SLC40A1: variants seen among roughly 807,000 people sequenced by gnomAD.
SLC40A1 encodes the protein ferroportin.
A neutral mutation model predicts 53.5 loss-of-function variants in SLC40A1; 16 were observed. That is an observed-to-expected ratio of 0.30 (90% confidence interval 0.20 to 0.45). SLC40A1 has a LOEUF of 0.45. Among genes scored for constraint, SLC40A1 ranks in the 20% least tolerant of loss-of-function variants. The probability of loss-of-function intolerance (pLI) is 1.00; values close to 1 mark genes in which losing one functional copy is unlikely to be tolerated. For missense variants in SLC40A1, 545 were observed against 695.4 expected (o/e 0.78, Z 2.43); for synonymous variants, 247 against 253.2 (o/e 0.98, Z 0.23).
At chr2:189,578,623 G>A (rs1312504943) in intron 2 of SLC40A1, among the ~76,000 whole-genome samples, 2 of 152,128 alleles carry the variant, frequency 1.3e-5, no homozygotes, top group Admixed American at 1.3e-4. Flanking sequence ...ATTAAACTGG[G>A]GGAACAAACT....
intron 7 of SLC40A1, among the ~76,000 whole-genome samples, chr2:189,562,765 C>A (rs1469048675): frequency 1.3e-5 from 2 of 152,030 alleles, no homozygotes; most frequent in Non-Finnish European, 2.9e-5. Context: ...TTAAATTTTG[C>A]TTTGTAAGAA....
chr2:189,564,373 C>G, intron 6 of SLC40A1, 148 bp from the exon 7 acceptor site: 1 of 638,170 alleles, frequency 1.6e-6, no homozygotes, highest in Non-Finnish European at 2.7e-6. Flanking sequence ...TACTAATAAT[C>G]TAAGAATTCC....
intron 3 of SLC40A1, among the ~76,000 whole-genome samples, 169 bp downstream of exon 3, chr2:189,574,992 C>T (rs1053917981): frequency 1.3e-5 from 2 of 152,202 alleles, no homozygotes; most frequent in African/African-American, 4.8e-5. Flanking sequence ...GTGTGGGAGC[C>T]ATGGGACCCT....
chr2:189,580,248 C>T (rs982935080), intron 1 of SLC40A1, among the ~76,000 whole-genome samples, 170 bp downstream of exon 1: 2 of 152,210 alleles, frequency 1.3e-5, no homozygotes, highest in African/African-American at 4.8e-5. Flanking sequence ...CCTTTTCCCA[C>T]ACCCTGAATT....
chr2:189,563,529 C>T lies in SLC40A1; in HGVS notation c.1402+55G>A, dbSNP rs185040528. On this transcript the variant is annotated intron_variant, in intron 7 of 7. Coordinates refer to ENST00000261024, the MANE Select transcript of SLC40A1 (RefSeq NM_014585.6). ...ATCATTTATTAATGGATTCTCTGAACCTACATTACAAAAAGACACTTTAGT... is the reference window on the plus strand; with the variant it reads ...ATCATTTATTAATGGATTCTCTGAATCTACATTACAAAAAGACACTTTAGT... 2.9e-3 allele frequency: 4,366 copies of T among 1,509,018 alleles called. 25 individuals carry two copies. The highest frequency in any genetic ancestry group is 6.9e-3 in the South Asian group (584 of 84,376). 93.5% of individuals were successfully genotyped at this position (1,509,018 alleles called of 1,614,324 possible). A position where few individuals can be genotyped will look rare whatever the true frequency, so the allele number is the denominator to read the frequency against.
chr2:189,563,759 T>C lies in SLC40A1; in HGVS notation c.1227A>G (p.Arg409=). 3 of 1,614,160 alleles carry C rather than the reference T, an allele frequency of 1.9e-6. No homozygotes were observed. Among genetic ancestry groups the C allele is most frequent in the Non-Finnish European group, 2.5e-6 (3 of 1,180,032 alleles). Residue 409 remains arginine (R), a synonymous_variant, in exon 7 of 8, where the codon CGA becomes CGG. Transcript: ENST00000261024. ...DLSVSPFEDI[R]SRFIQGESIT... The stretch of plus-strand genomic sequence containing the variant: ...TTGACTCTCCTTGAATGAACCTTGA[T>C]CGGATATCTTCAAAAGGAGAAACGG...
chr2:189,573,130 A>C (rs912010941), intron 3 of SLC40A1, among the ~76,000 whole-genome samples, 169 bp from the exon 4 acceptor site: 3 of 152,230 alleles, frequency 2.0e-5, no homozygotes, highest in Non-Finnish European at 4.4e-5. Context: ...CTCTCAATAC[A>C]ACCCAGAGGA....
In SLC40A1 at chr2:189,560,915, T is replaced by A. The variant is rs2030717373; in HGVS notation, c.*963A>T. 6.6e-6 allele frequency: 1 copy of A among 152,288 alleles called. No homozygotes were observed. Among genetic ancestry groups the A allele is most frequent in the Admixed American group, 6.5e-5 (1 of 15,290 alleles). The allele number at this position is 152,288 out of a possible 1,614,324, so 9.4% of individuals were successfully genotyped here. A position where few individuals can be genotyped will look rare whatever the true frequency, so the allele number is the denominator to read the frequency against. On this transcript the variant is annotated 3_prime_UTR_variant, in exon 8 of 8. Transcript: ENST00000261024. ...TGCTGTAGAACAATGTAGAAATAAC[T>A]TCTGGGTATAAAACAGTAAAAATAA...
In SLC40A1 at chr2:189,580,760, C is replaced by A. The variant is rs1316097212; in HGVS notation, c.-300G>T. 2 of 1,308,768 alleles carry A rather than the reference C, an allele frequency of 1.5e-6. No homozygotes were observed. Among genetic ancestry groups the A allele is most frequent in the African/African-American group, 1.6e-5 (1 of 64,088 alleles). The allele number at this position is 1,308,768 out of a possible 1,614,324, so 81.1% of individuals were successfully genotyped here. ...GTCCGAGCCTAGCGGACGCCCTGAGCCAGCTCTCTCCGCCGCCGCCGCCGC... is the reference window on the plus strand; with the variant it reads ...GTCCGAGCCTAGCGGACGCCCTGAGACAGCTCTCTCCGCCGCCGCCGCCGC... On this transcript the variant is annotated 5_prime_UTR_variant, in exon 1 of 8. Transcript: ENST00000261024.
chr2:189,565,692 T>C (rs1390781918), intron 5 of SLC40A1, 93 bp from the exon 6 acceptor site: 41 of 1,525,908 alleles, frequency 2.7e-5, no homozygotes, highest in Admixed American at 5.0e-5. Flanking sequence ...ACCAAGAGTA[T>C]AGATTCCTAA....
rs1186042181 is a variant in SLC40A1, at chr2:189,571,853, C to A, written c.388-12G>T. 1 of 1,575,224 alleles carries A rather than the reference C, an allele frequency of 6.3e-7. No individual in the cohort carries two copies. Among genetic ancestry groups the A allele is most frequent in the Non-Finnish European group, 8.7e-7 (1 of 1,145,294 alleles). On this transcript the variant is annotated splice_polypyrimidine_tract_variant and intron_variant, in intron 4 of 7. Transcript: ENST00000261024. ...ATATAGCAGGAAGTCTAAAGAATGA[C>A]AAGAAAAAAATGAGTTATAATGTCA...
chr2:189,580,501 G>A lies in SLC40A1; in HGVS notation c.-41C>T. ...CGCTGGCTCTTCTGCGGCTGCTATC[G>A]CTGCTGCTGCTCTCGCTGAGGTGCT... On this transcript the variant is annotated 5_prime_UTR_variant, in exon 1 of 8. Coordinates refer to ENST00000261024, the MANE Select transcript of SLC40A1 (RefSeq NM_014585.6). 1 of 1,611,276 alleles carries A rather than the reference G, an allele frequency of 6.2e-7. No individual in the cohort carries two copies.
chr2:189,579,985 C>G, intron 1 of SLC40A1, 105 bp from the exon 2 acceptor site: 1 of 1,182,428 alleles, frequency 8.5e-7, no homozygotes, highest in East Asian at 2.5e-5. Context: ...TTATTAAAAA[C>G]TACTTTGCAG....
At chr2:189,569,150 G>A (rs2105625411) in intron 5 of SLC40A1, among the ~76,000 whole-genome samples, 1 of 152,192 alleles carries the variant, frequency 6.6e-6, no homozygotes, top group East Asian at 1.9e-4. Context: ...TTTAACCTTG[G>A]CAGGGAAAAT....
intron 5 of SLC40A1, among the ~76,000 whole-genome samples, chr2:189,568,742 T>C (rs180944539): frequency 6.6e-6 from 1 of 152,368 alleles, no homozygotes; most frequent in East Asian, 1.9e-4. Flanking sequence ...CCTAGCAGTT[T>C]TGTCTACTTC....
rs2030827280 is a variant in SLC40A1 at position 189,563,633 on chromosome 2, G to A, written c.1353C>T (p.Pro451=). 6.2e-7 allele frequency: 1 copy of A among 1,614,094 alleles called. No individual in the cohort carries two copies. Among genetic ancestry groups the A allele is most frequent in the Non-Finnish European group, 8.5e-7 (1 of 1,179,996 alleles). ...CAAACAGCAGACTGACAGAGATTAT[G>A]GGCACAGATTCAGGACTTGTCTCCG... ...IVPETSPESV[P]IISVSLLFAG... Residue 451 remains proline, a synonymous_variant, in exon 7 of 8, where the codon CCC becomes CCT. Coordinates refer to ENST00000261024, the MANE Select transcript of SLC40A1 (RefSeq NM_014585.6).
At chr2:189,566,747 C>T (rs568295517) in intron 5 of SLC40A1, among the ~76,000 whole-genome samples, 4 of 152,238 alleles carry the variant, frequency 2.6e-5, no homozygotes, top group Admixed American at 6.5e-5. Context: ...TCCATTTTCT[C>T]AGCAAAATAC....
Position 189,561,962 on chromosome 2 carries a change from A to AT in SLC40A1, c.1631dup (p.Asn544LysfsTer13). The AT allele has an allele frequency of 6.2e-7, 1 of 1,614,182 alleles. No individual in the cohort carries two copies. Among genetic ancestry groups the AT allele is most frequent in the Non-Finnish European group, 8.5e-7 (1 of 1,180,012 alleles). On this transcript the variant is annotated frameshift_variant, in exon 8 of 8. Transcript: ENST00000261024. LOFTEE classifies it high-confidence loss of function. ...AAGCAAAGAGCTTGTTTCCCAGAGT[A>AT]TTTTGGGCAAATCGGAAATACATAA...
At chr2:189,578,578 C>T (rs1439815) in intron 2 of SLC40A1, 93,657 of 161,618 alleles carry the variant, frequency 0.58, 28,152 homozygotes, top group East Asian at 0.83. Flanking sequence ...AGATACTATT[C>T]CCATCACATG....
Sources: gnomAD v4.1 joint callset for allele counts (sites outside exome capture counted in the v4.1 genomes callset) on GRCh38, gnomAD v4.1.1 for gene constraint, MANE v1.5 for transcripts, NCBI Gene and HGNC (gene_info 2026-07-23, HGNC 2026-07-21) for gene names.